The following PRKAR1B variants were observed in gnomAD, a reference collection of about 807,000 sequenced individuals.
The protein encoded by PRKAR1B is cAMP-dependent protein kinase type I-beta regulatory subunit.
In PRKAR1B, 22 loss-of-function variants were observed where a neutral mutation model predicts 46.5. The ratio of observed to expected loss-of-function variants is 0.47; its 90% confidence interval spans 0.34 to 0.68. The LOEUF is 0.68. PRKAR1B is among the 30% of genes least tolerant of loss of function. The pLI, the probability that PRKAR1B is intolerant of heterozygous loss-of-function variation, is 0.01. For synonymous variants in PRKAR1B, 259 were observed against 217.7 expected, an observed-to-expected ratio of 1.19 and a Z score of -1.67; for missense variants, 445 against 535.6, an observed-to-expected ratio of 0.83 and a Z score of 1.67.
At chr7:716,346 G>GCA (rs1203858354) in intron 1 of PRKAR1B, among the ~76,000 whole-genome samples, 5 of 149,392 alleles carry the variant, frequency 3.3e-5, no homozygotes, top group Admixed American at 1.3e-4. Flanking sequence ...ATGAGCCACC[G>GCA]CACCCGGTCC....
chr7:598,353 C>A (rs1457068848), intron 6 of PRKAR1B, among the ~76,000 whole-genome samples: 8 of 146,862 alleles, frequency 5.4e-5, no homozygotes, highest in African/African-American at 2.0e-4. Flanking sequence ...GCTCTAAACA[C>A]CATCGCCCTC....
chr7:565,863 T>TA (rs796414714), intron 9 of PRKAR1B, among the ~76,000 whole-genome samples: 58 of 152,266 alleles, frequency 3.8e-4, no homozygotes, highest in African/African-American at 1.3e-3. Flanking sequence ...TAAAATAATA[T>TA]AAACCTATCC....
At position 706,422 on chromosome 7, in the gene PRKAR1B, A is replaced by ATTTT. The variant is rs33963335; in HGVS notation, c.177+4903_177+4906dup. 9.0e-4 allele frequency among the ~76,000 whole-genome samples: 92 copies of ATTTT among 102,304 alleles called. 3 individuals carry two copies. Among genetic ancestry groups the ATTTT allele is most frequent in the South Asian group, 2.4e-3 (7 of 2,964 alleles). 67.1% of individuals were successfully genotyped at this position (102,304 alleles called of 152,430 possible). On this transcript the variant is annotated intron_variant, in intron 2 of 10. Coordinates refer to ENST00000537384, the MANE Select transcript of PRKAR1B (RefSeq NM_001164760.2). ...GCTGTGTTTTGCCATCAAATAAGGAATTTTTTTTTTTTTTTTTTTGAGACG... is the reference window on the plus strand; with the variant it reads ...GCTGTGTTTTGCCATCAAATAAGGAATTTTTTTTTTTTTTTTTTTTTTTGAGACG...
intron 1 of PRKAR1B, among the ~76,000 whole-genome samples, chr7:716,403 C>T (rs1780886456): frequency 6.6e-6 from 1 of 152,144 alleles, no homozygotes; most frequent in Admixed American, 6.6e-5. Flanking sequence ...CACTTCTAAA[C>T]TTTGCTCTGT....
intron 7 of PRKAR1B, among the ~76,000 whole-genome samples, chr7:586,517 G>A (rs1382617082): frequency 6.6e-6 from 1 of 152,198 alleles, no homozygotes; most frequent in Non-Finnish European, 1.5e-5. Context: ...CAGCCCTGTT[G>A]GGGGGAAGCC....
intron 4 of PRKAR1B, among the ~76,000 whole-genome samples, chr7:615,845 A>AAGC (rs1290206356): frequency 6.7e-6 from 1 of 149,888 alleles, no homozygotes; most frequent in Non-Finnish European, 1.5e-5. Context: ...AAAAAAAAGA[A>AAGC]AGCAAGAAAG....
chr7:593,056 A>C lies in PRKAR1B; in HGVS notation c.708+3090T>G, dbSNP rs536782526. 8.5e-5 allele frequency among the ~76,000 whole-genome samples: 13 copies of C among 152,234 alleles called. No individual in the cohort carries two copies. The highest frequency in any genetic ancestry group is 3.1e-4 in the African/African-American group (13 of 41,542). On this transcript the variant is annotated intron_variant, in intron 7 of 10. Transcript: ENST00000537384. The surrounding 1 kb of genome is among the most constrained non-coding windows in gnomAD (Gnocchi z 6.1). ...TTCAAAAAAATTAAAAAAAACAAAA[A>C]GGTAAGAAAGAAAAAGCAAGTCTGG...
intron 1 of PRKAR1B, among the ~76,000 whole-genome samples, chr7:722,817 C>A (rs1371764362): frequency 6.6e-6 from 1 of 152,320 alleles, no homozygotes; most frequent in East Asian, 1.9e-4. Flanking sequence ...GTATCCTGGA[C>A]ATTTGGGTTA....
At chr7:559,997 G>A (rs1461695376) in intron 9 of PRKAR1B, among the ~76,000 whole-genome samples, 1 of 152,172 alleles carries the variant, frequency 6.6e-6, no homozygotes, top group Non-Finnish European at 1.5e-5. Flanking sequence ...CAGCCCAGGA[G>A]TTGGAGACCA....
chr7:555,245 G>A (rs28517459), intron 9 of PRKAR1B, among the ~76,000 whole-genome samples: 34,830 of 152,150 alleles, frequency 0.23, 4,092 homozygotes, highest in Non-Finnish European at 0.25. Context: ...GGATTCTGCC[G>A]GCAAGGAAGC....
chr7:726,958 C>T lies in PRKAR1B; in HGVS notation c.-23+252G>A, dbSNP rs928452266. On this transcript the variant is annotated intron_variant, in intron 1 of 10. Transcript: ENST00000537384. ...CCCCTGGGCGCGCCTACTGCTGCCG[C>T]GCTTGCTGCGCTGCCTGAGCGACCC... The T allele has an allele frequency of 1.7e-5, 22 of 1,323,458 alleles. No individual in the cohort carries two copies. Among genetic ancestry groups the T allele is most frequent in the East Asian group, 6.9e-5 (2 of 29,120 alleles). 82.0% of individuals were successfully genotyped at this position (1,323,458 alleles called of 1,614,324 possible).
At chr7:583,338 C>A (rs1484300276) in intron 8 of PRKAR1B, among the ~76,000 whole-genome samples, 5 of 152,160 alleles carry the variant, frequency 3.3e-5, no homozygotes, top group South Asian at 4.2e-4. Context: ...ACACTGCATA[C>A]ACACACGTGC....
At chr7:706,845 G>A (rs1392621946) in intron 2 of PRKAR1B, among the ~76,000 whole-genome samples, 1 of 152,210 alleles carries the variant, frequency 6.6e-6, no homozygotes, top group African/African-American at 2.4e-5. Flanking sequence ...CTGCTGGCCT[G>A]TGTTTTATCC....
chr7:626,810 G>A (rs529971318), intron 4 of PRKAR1B, among the ~76,000 whole-genome samples: 71 of 151,842 alleles, frequency 4.7e-4, no homozygotes, highest in African/African-American at 1.6e-3. Context: ...TCCTGGACAC[G>A]AGCGGTCCTC....
chr7:685,368 A>G (rs1422570522), intron 2 of PRKAR1B, among the ~76,000 whole-genome samples: 3 of 25,696 alleles, frequency 1.2e-4, no homozygotes, highest in South Asian at 2.6e-3. Context: ...ATATATACAC[A>G]TATATATATA....
Position 566,426 on chromosome 7 carries a change from CCACCAT to C in PRKAR1B, c.891+12824_891+12829del, listed in dbSNP as rs1474284180. On this transcript the variant is annotated intron_variant, in intron 9 of 10. Coordinates refer to ENST00000537384, the MANE Select transcript of PRKAR1B (RefSeq NM_001164760.2). Reference sequence around the variant, plus strand: ...ACTTCCACCATCATTATCACCATCACCACCATCACCATCACCACAACCATCATCACC... The same window carrying C: ...ACTTCCACCATCATTATCACCATCACCACCATCACCACAACCATCATCACC... 2.1e-3 allele frequency among the ~76,000 whole-genome samples: 318 copies of C among 149,918 alleles called. 1 individual carries two copies. The Middle Eastern group carries it at 0.021, about 10-fold the overall frequency.
At chr7:664,371 C>G in intron 4 of PRKAR1B, among the ~76,000 whole-genome samples, 1 of 152,234 alleles carries the variant, frequency 6.6e-6, no homozygotes, top group East Asian at 1.9e-4. Flanking sequence ...AACACAGCCT[C>G]TGCCCTGGCA....
At chr7:575,264 G>A (rs936437653) in intron 9 of PRKAR1B, among the ~76,000 whole-genome samples, 6 of 152,214 alleles carry the variant, frequency 3.9e-5, no homozygotes, top group South Asian at 4.1e-4. Context: ...GGGCATTCAC[G>A]GCTGTGCTGG....
chr7:626,822 C>G (rs976641541), intron 4 of PRKAR1B, among the ~76,000 whole-genome samples: 4 of 151,978 alleles, frequency 2.6e-5, no homozygotes. Flanking sequence ...GCGGTCCTCC[C>G]GCCTCAGCCT....
Sources: gnomAD v4.1 joint callset for allele counts (sites outside exome capture counted in the v4.1 genomes callset) on GRCh38, gnomAD v4.1.1 for gene constraint, Gnocchi (gnomAD v3.1) non-coding constraint, MANE v1.5 for transcripts, NCBI Gene and HGNC (gene_info 2026-07-23, HGNC 2026-07-21) for gene names.